MACF1: variants seen among roughly 807,000 people sequenced by gnomAD.
The protein encoded by MACF1 is microtubule-actin cross-linking factor 1.
Under a neutral mutation model 854.8 loss-of-function variants are expected in MACF1, and 193 were observed. That is an observed-to-expected ratio of 0.23 (90% CI 0.20 to 0.25). The LOEUF is 0.25. MACF1 is among the 10% of genes least tolerant of loss of function. The pLI, the probability that MACF1 is intolerant of heterozygous loss-of-function variation, is 1.00. For missense variants in MACF1, 7,722 were observed against 8,929.1 expected (o/e 0.86, Z 5.45); for synonymous variants, 3,185 against 3,226.7 (o/e 0.99, Z 0.44).
At chr1:39,371,533 A>T (rs146557064) in intron 51 of MACF1, among the ~76,000 whole-genome samples, 2 of 152,240 alleles carry the variant, frequency 1.3e-5, no homozygotes, top group East Asian at 3.9e-4. Context: ...GTAAAATCCT[A>T]CAACTATGGC....
intron 2 of MACF1, among the ~76,000 whole-genome samples, chr1:39,113,018 C>T (rs1642450395): frequency 6.6e-6 from 1 of 152,070 alleles, no homozygotes; most frequent in South Asian, 2.1e-4. Flanking sequence ...CTTAATCTAA[C>T]CTCATGACTC....
At chr1:39,085,475 A>G (rs1364719180) in intron 2 of MACF1, among the ~76,000 whole-genome samples, 1 of 152,040 alleles carries the variant, frequency 6.6e-6, no homozygotes, top group Non-Finnish European at 1.5e-5. Context: ...CCCTCAAATA[A>G]TACAGCCACC....
chr1:39,331,205 A>C lies in MACF1; in HGVS notation c.4617A>C (p.Glu1539Asp). Reference sequence around the variant, plus strand: ...TTTTTTTTTTTTTTTTTTTTTAGGAATGCAGAGCAGTTGCTGGGGTGATTG... The same window carrying C: ...TTTTTTTTTTTTTTTTTTTTTAGGACTGCAGAGCAGTTGCTGGGGTGATTG... ...SQLAHQTEQK[E>D]CRAVAGVIDL... is the part of the protein sequence containing the mutation. Residue 1539 changes from glutamate (E) to aspartate (D), a missense_variant and splice_region_variant, in exon 37 of 101, where the codon GAA (glutamate) becomes GAC (aspartate). Glu to Asp is a conservative substitution (Grantham distance 45, BLOSUM62 2). This residue lies in a region of MACF1 where 1,531 missense variants were observed against 1,601.6 expected (regional missense o/e 0.96). Transcript: ENST00000564288. 1 of 1,269,812 alleles carries C rather than the reference A, an allele frequency of 7.9e-7. No individual in the cohort carries two copies. The highest frequency in any genetic ancestry group is 1.0e-6 in the Non-Finnish European group (1 of 958,912). The allele number at this position is 1,269,812 out of a possible 1,614,324, so 78.7% of individuals were successfully genotyped here. A position where few individuals can be genotyped will look rare whatever the true frequency, so the allele number is the denominator to read the frequency against.
chr1:39,452,606 C>A, intron 86 of MACF1, 78 bp from the exon 87 acceptor site: 1 of 1,574,060 alleles, frequency 6.4e-7, no homozygotes, highest in Non-Finnish European at 8.7e-7. Context: ...GAACACTGGA[C>A]CCTTTCCCTA....
intron 2 of MACF1, among the ~76,000 whole-genome samples, chr1:39,184,999 A>T (rs942254237): frequency 6.6e-6 from 1 of 152,230 alleles, no homozygotes; most frequent in Non-Finnish European, 1.5e-5. Context: ...TTTAAGATGT[A>T]TCAGGGCTGG....
At chr1:39,180,532 C>T (rs1644090683) in intron 2 of MACF1, among the ~76,000 whole-genome samples, 1 of 152,138 alleles carries the variant, frequency 6.6e-6, no homozygotes, top group African/African-American at 2.4e-5. Context: ...AGGAGAATCG[C>T]TTGAATCTGG....
chr1:39,255,514 T>C (rs1444768574), intron 5 of MACF1, among the ~76,000 whole-genome samples: 3 of 152,216 alleles, frequency 2.0e-5, no homozygotes, highest in African/African-American at 7.2e-5. Flanking sequence ...TCAGTTCATT[T>C]TTGACACTCA....
At chr1:39,166,487 G>A (rs1042625494) in intron 2 of MACF1, among the ~76,000 whole-genome samples, 4 of 148,998 alleles carry the variant, frequency 2.7e-5, no homozygotes, top group South Asian at 2.1e-4. Context: ...ATGGAATTTC[G>A]CTCTTATTGC....
At chr1:39,128,146 C>T (rs1298445258) in intron 2 of MACF1, among the ~76,000 whole-genome samples, 1 of 152,102 alleles carries the variant, frequency 6.6e-6, no homozygotes, top group Non-Finnish European at 1.5e-5. Flanking sequence ...GGTTGTGTCT[C>T]TTCTTGACTC....
chr1:39,474,946 G>A (rs1476376841), intron 97 of MACF1, among the ~76,000 whole-genome samples: 1 of 152,154 alleles, frequency 6.6e-6, no homozygotes, highest in Non-Finnish European at 1.5e-5. Flanking sequence ...GAAAAAGTAA[G>A]GGGACAAGTA....
intron 1 of MACF1, among the ~76,000 whole-genome samples, chr1:39,206,215 A>C (rs770587687): frequency 6.6e-6 from 1 of 152,238 alleles, no homozygotes; most frequent in Non-Finnish European, 1.5e-5. Context: ...GTGTGCATCT[A>C]TAGCAGCGGA....
intron 57 of MACF1, among the ~76,000 whole-genome samples, chr1:39,386,184 A>G (rs958136927): frequency 3.3e-5 from 5 of 152,056 alleles, no homozygotes; most frequent in Non-Finnish European, 7.4e-5. Flanking sequence ...CAGCAAGTAG[A>G]GATTCATCCC....
chr1:39,404,304 C>G (rs1264792765), intron 58 of MACF1, among the ~76,000 whole-genome samples: 1 of 151,404 alleles, frequency 6.6e-6, no homozygotes, highest in African/African-American at 2.4e-5. Flanking sequence ...AACCCCATCT[C>G]TACTAAAAAT....
chr1:39,440,200 C>T (rs1644082010), intron 72 of MACF1, among the ~76,000 whole-genome samples: 1 of 146,932 alleles, frequency 6.8e-6, no homozygotes, highest in Non-Finnish European at 1.5e-5. Flanking sequence ...GCAGCATCCA[C>T]CTCCCGGGCT....
Position 39,414,603 on chromosome 1 carries a change from G to GT in MACF1, c.15817-7768dup. On this transcript the variant is annotated intron_variant, in intron 58 of 100. Coordinates refer to ENST00000564288, the MANE Select transcript of MACF1 (RefSeq NM_001394062.1). ...TCTTTTTGGGTCTCCCGGGCTTATA[G>GT]TTTGTAGTCTTTCTGTTCAGTTTTT... 7 of 1,407,826 alleles carry GT rather than the reference G, an allele frequency of 5.0e-6. No homozygotes were observed. In the South Asian group the frequency reaches 1.0e-4, roughly 21 times the overall value. The allele number at this position is 1,407,826 out of a possible 1,614,324, so 87.2% of individuals were successfully genotyped here. A position where few individuals can be genotyped will look rare whatever the true frequency, so the allele number is the denominator to read the frequency against.
chr1:39,265,803 C>T (rs910901400), intron 6 of MACF1, among the ~76,000 whole-genome samples: 1 of 152,150 alleles, frequency 6.6e-6, no homozygotes, highest in Non-Finnish European at 1.5e-5. Flanking sequence ...CTGGGGATGT[C>T]TCATAACTTT....
At chr1:39,407,385 T>C (rs1300870061) in intron 58 of MACF1, among the ~76,000 whole-genome samples, 1 of 152,222 alleles carries the variant, frequency 6.6e-6, no homozygotes, top group African/African-American at 2.4e-5. Flanking sequence ...GGACAGGGTT[T>C]CTAGTGTCTT....
chr1:39,106,946 C>T (rs547715050), intron 2 of MACF1, among the ~76,000 whole-genome samples: 2 of 152,202 alleles, frequency 1.3e-5, no homozygotes, highest in South Asian at 4.1e-4. Flanking sequence ...CCAGCTTTTC[C>T]TGCCTGCAGC....
At chr1:39,471,369 T>C (rs752071108) in intron 97 of MACF1, among the ~76,000 whole-genome samples, 2 of 152,216 alleles carry the variant, frequency 1.3e-5, no homozygotes, top group Non-Finnish European at 2.9e-5. Context: ...GGTTTTGTAC[T>C]CATTTATGTT....
Sources: allele counts gnomAD v4.1 joint callset (sites outside exome capture counted in the v4.1 genomes callset), GRCh38; gene constraint gnomAD v4.1.1; regional missense constraint gnomAD v4.1.1; transcripts MANE v1.5; gene names NCBI Gene and HGNC (gene_info 2026-07-23, HGNC 2026-07-21).